The following MAPK6 variants were observed in gnomAD, a reference collection of about 807,000 sequenced individuals.
The protein encoded by MAPK6 is ERK-3.
MAPK6 carries 19 observed loss-of-function variants against 59.3 expected under a neutral mutation model. The ratio of observed to expected loss-of-function variants is 0.32; its 90% confidence interval spans 0.22 to 0.47. The LOEUF (loss-of-function observed/expected upper bound fraction) is 0.47. MAPK6 is among the 20% of genes least tolerant of loss of function. The probability of loss-of-function intolerance (pLI) is 1.00; values close to 1 mark genes in which losing one functional copy is unlikely to be tolerated. For synonymous variants in MAPK6, 316 were observed against 290.3 expected (o/e 1.09, Z -0.90); for missense variants, 724 against 847.9 (o/e 0.85, Z 1.81).
chr15:51,999,172 G>A (rs1221417835), intron 2 of MAPK6, among the ~76,000 whole-genome samples: 1 of 150,784 alleles, frequency 6.6e-6, no homozygotes, highest in Non-Finnish European at 1.5e-5. Flanking sequence ...ATTTTTTTGT[G>A]TTTTTAGTAG....
intron 5 of MAPK6, 103 bp from the exon 6 acceptor site, chr15:52,063,799 C>T (rs1183319266): frequency 3.3e-6 from 3 of 906,678 alleles, no homozygotes; most frequent in African/African-American, 1.7e-5. Flanking sequence ...CTATAATTAT[C>T]CCCTCATAGA....
At chr15:52,045,274 A>T (rs2031562826) in intron 1 of MAPK6, among the ~76,000 whole-genome samples, 2 of 152,186 alleles carry the variant, frequency 1.3e-5, no homozygotes, top group South Asian at 4.1e-4. Context: ...ATGTTCTCTT[A>T]AGGTAATCTT....
chr15:52,029,921 A>G (rs980674293), intron 1 of MAPK6, among the ~76,000 whole-genome samples: 2 of 152,270 alleles, frequency 1.3e-5, no homozygotes, highest in African/African-American at 4.8e-5. Context: ...TCAGAAATGT[A>G]AATGAAATAA....
chr15:52,041,790 C>T (rs768770750), intron 1 of MAPK6, among the ~76,000 whole-genome samples: 4 of 152,294 alleles, frequency 2.6e-5, no homozygotes, highest in Admixed American at 1.3e-4. Context: ...CTACCAGGCA[C>T]ACACATCTTG....
chr15:52,058,195 T>C (rs1335685226), intron 3 of MAPK6, among the ~76,000 whole-genome samples: 1 of 152,214 alleles, frequency 6.6e-6, no homozygotes, highest in African/African-American at 2.4e-5. Context: ...AGCCCTAACA[T>C]AGAACTATAA....
intron 3 of MAPK6, among the ~76,000 whole-genome samples, chr15:52,007,282 A>G (rs1423704468): frequency 1.3e-5 from 2 of 152,112 alleles, no homozygotes; most frequent in African/African-American, 4.8e-5. Flanking sequence ...GAGTGGGAGC[A>G]GGTGGGGAGT....
At chr15:52,012,970 G>C (rs1199494751) in intron 3 of MAPK6, among the ~76,000 whole-genome samples, 2 of 124,048 alleles carry the variant, frequency 1.6e-5, no homozygotes, top group Non-Finnish European at 3.2e-5. Context: ...CTGGGCGACA[G>C]AGTGAGACTC....
rs1283774283 is a variant in MAPK6, at chr15:52,061,365, T to C, written c.932T>C (p.Leu311Pro). The C allele has an allele frequency of 6.2e-7, 1 of 1,614,128 alleles. No homozygotes were observed. Among genetic ancestry groups the C allele is most frequent in the Non-Finnish European group, 8.5e-7 (1 of 1,179,972 alleles). ...GATCGGTTAACAGCAGAAGAAGCAC[T>C]CTCCCATCCTTACATGAGCATATAT... is the stretch of plus-strand genomic sequence containing the variant. ...PMDRLTAEEA[L>P]SHPYMSIYSF... is the part of the protein sequence containing the mutation. The change falls in exon 5 of 6, where the codon CTC (leucine) becomes CCC (proline). Residue 311 changes from leucine (L) to proline (P), a missense_variant. Physicochemically the swap from Leu to Pro is moderately conservative, Grantham distance 98. Transcript: ENST00000261845.
chr15:52,016,397 GA>G (rs530715828), upstream of MAPK6, among the ~76,000 whole-genome samples: 51 of 142,108 alleles, frequency 3.6e-4, 4 homozygotes, highest in South Asian at 2.0e-3. Context: ...CTCAAAAAAA[GA>G]AAAAAAAAAC....
At chr15:52,037,958 G>A (rs1158628792) in intron 1 of MAPK6, among the ~76,000 whole-genome samples, 1 of 152,094 alleles carries the variant, frequency 6.6e-6, no homozygotes, top group Non-Finnish European at 1.5e-5. Context: ...AAAAAGGAGG[G>A]GAATGGTGCC....
At chr15:51,981,670 A>G (rs568765562) in intron 1 of MAPK6, among the ~76,000 whole-genome samples, 1 of 152,248 alleles carries the variant, frequency 6.6e-6, no homozygotes, top group Non-Finnish European at 1.5e-5. Context: ...CTGAAGCTTG[A>G]GGGTTACCAG....
intron 2 of MAPK6, among the ~76,000 whole-genome samples, chr15:51,995,395 T>G (rs1317655741): frequency 6.6e-6 from 1 of 152,190 alleles, no homozygotes; most frequent in Non-Finnish European, 1.5e-5. Context: ...TGCTGTCTGC[T>G]GACAGTACTC....
intron 3 of MAPK6, among the ~76,000 whole-genome samples, chr15:52,005,935 G>A (rs1391269811): frequency 6.6e-6 from 1 of 152,112 alleles, no homozygotes; most frequent in Non-Finnish European, 1.5e-5. Flanking sequence ...GGCCCATGTA[G>A]GAAATGGCCT....
At chr15:52,030,932 C>T (rs1298034643) in intron 1 of MAPK6, among the ~76,000 whole-genome samples, 2 of 151,924 alleles carry the variant, frequency 1.3e-5, no homozygotes, top group Non-Finnish European at 2.9e-5. Context: ...GCTGGGATTA[C>T]AGGCATGTGC....
At chr15:52,048,569 A>G (rs62015197) in intron 2 of MAPK6, among the ~76,000 whole-genome samples, 4,893 of 152,232 alleles carry the variant, frequency 0.032, 104 homozygotes, top group Non-Finnish European at 0.049. Flanking sequence ...GATTGCGCCA[A>G]TGCACTCCAG....
In MAPK6 at chr15:52,046,589, CAA is replaced by C. The variant is rs1346985382; in HGVS notation, c.132_133del (p.Arg45SerfsTer10). Reference protein sequence around the residue: ...VFSAVDNDCDKRVAIKKIVLT... With the variant: ...VFSAVDNDCDXRVAIKKIVLT... ...TTTCTGCTGTAGACAATGACTGTGA[CAA>C]AAGAGTAGCCATCAAGAAAATTGTC... On this transcript the variant is annotated frameshift_variant, in exon 2 of 6. Transcript: ENST00000261845. LOFTEE classifies it high-confidence loss of function. 1 of 1,614,140 alleles carries C rather than the reference CAA, an allele frequency of 6.2e-7. No homozygotes were observed. Among genetic ancestry groups the C allele is most frequent in the South Asian group, 1.1e-5 (1 of 91,086 alleles).
At chr15:51,991,802 T>G (rs1471159221) in intron 2 of MAPK6, among the ~76,000 whole-genome samples, 2 of 152,192 alleles carry the variant, frequency 1.3e-5, no homozygotes, top group African/African-American at 4.8e-5. Context: ...GGTAGAAGAA[T>G]CCGGCACAGA....
intron 3 of MAPK6, among the ~76,000 whole-genome samples, chr15:52,012,792 G>T (rs1210583290): frequency 6.6e-6 from 1 of 151,462 alleles, no homozygotes; most frequent in Non-Finnish European, 1.5e-5. Flanking sequence ...TTCGAGACCA[G>T]CCTGGCCAAT....
intron 3 of MAPK6, among the ~76,000 whole-genome samples, chr15:52,055,274 G>T (rs1445452023): frequency 1.3e-5 from 2 of 152,136 alleles, no homozygotes; most frequent in African/African-American, 2.4e-5. Context: ...GGGTGTGGTG[G>T]CACACACCTG....
Sources: allele counts gnomAD v4.1 joint callset (sites outside exome capture counted in the v4.1 genomes callset), GRCh38; gene constraint gnomAD v4.1.1; transcripts MANE v1.5; gene names NCBI Gene and HGNC (gene_info 2026-07-23, HGNC 2026-07-21).